RIMOC1: variants seen among roughly 807,000 people sequenced by gnomAD.
RIMOC1 encodes the protein RAB7A interacting MON1-CCZ1 complex subunit 1.
At chr5:41,907,628 C>G in the RIMOC1 span, 2 of 635,702 alleles carry the variant, frequency 3.1e-6, no homozygotes, top group Non-Finnish European at 5.3e-6. Context: ...CTCCATATGT[C>G]ATAATATTAT....
the RIMOC1 span, chr5:41,909,681 T>C: frequency 8.3e-7 from 1 of 1,211,544 alleles, no homozygotes; most frequent in South Asian, 1.6e-5. Context: ...AAGGTTAGAC[T>C]GTAAGAATTG....
the RIMOC1 span, among the ~76,000 whole-genome samples, chr5:41,912,805 A>C: frequency 6.6e-6 from 1 of 152,186 alleles, no homozygotes; most frequent in Admixed American, 6.5e-5. Flanking sequence ...ACAGAGCCAA[A>C]CATATCAAGC....
At chr5:41,904,570 TCCCAGGCCGCAGGTGGTTA>T in the RIMOC1 span, 1 of 1,116,544 alleles carries the variant, frequency 9.0e-7, no homozygotes, top group East Asian at 2.6e-5. Flanking sequence ...TTCCTTTGGG[TCCCAGGCCGCAGGTGGTTA>T]CCCGAGGTCT....
At chr5:41,909,808 CTCT>C in the RIMOC1 span, 6 of 1,590,382 alleles carry the variant, frequency 3.8e-6, no homozygotes, top group Admixed American at 1.8e-5. Context: ...TTCCTGAAGA[CTCT>C]TCTTCACAGA....
chr5:41,908,913 G>A, the RIMOC1 span, among the ~76,000 whole-genome samples: 1 of 152,062 alleles, frequency 6.6e-6, no homozygotes. Context: ...TAGGCCTTTC[G>A]CACGATAACA....
At chr5:41,913,709 T>G in the RIMOC1 span, among the ~76,000 whole-genome samples, 1 of 152,216 alleles carries the variant, frequency 6.6e-6, no homozygotes, top group South Asian at 2.1e-4. Flanking sequence ...TAGCCTCTCC[T>G]GGATTGTTCT....
At chr5:41,915,534 A>C in the RIMOC1 span, among the ~76,000 whole-genome samples, 23 of 152,196 alleles carry the variant, frequency 1.5e-4, 1 homozygote, top group African/African-American at 5.5e-4. Context: ...GGAAGAAAAA[A>C]TAGGTTTAAT....
the RIMOC1 span, among the ~76,000 whole-genome samples, chr5:41,904,897 C>A: frequency 6.6e-6 from 1 of 152,122 alleles, no homozygotes; most frequent in African/African-American, 2.4e-5. Context: ...TTGTAATTTG[C>A]GTTTTACGTT....
At chr5:41,915,560 C>T in the RIMOC1 span, among the ~76,000 whole-genome samples, 44 of 152,280 alleles carry the variant, frequency 2.9e-4, 1 homozygote, top group South Asian at 2.3e-3. Flanking sequence ...CACAGTTCCT[C>T]GTTGCTGGGA....
At chr5:41,917,167 G>A in the RIMOC1 span, 8 of 1,613,660 alleles carry the variant, frequency 5.0e-6, no homozygotes, top group Non-Finnish European at 6.8e-6. Context: ...AGGAACCCTT[G>A]GATTTCCGAG....
At chr5:41,918,006 A>G in the RIMOC1 span, 2 of 985,230 alleles carry the variant, frequency 2.0e-6, no homozygotes, top group African/African-American at 1.7e-5. Flanking sequence ...CCATTAGTTC[A>G]TATGTTTTTG....
At chr5:41,906,731 G>A in the RIMOC1 span, among the ~76,000 whole-genome samples, 2 of 152,198 alleles carry the variant, frequency 1.3e-5, no homozygotes. Flanking sequence ...GCAGTCACAT[G>A]ATTGCCAACA....
At chr5:41,920,332 T>C in the RIMOC1 span, 11 of 152,148 alleles carry the variant, frequency 7.2e-5, no homozygotes, top group Non-Finnish European at 1.3e-4. Context: ...TTTTTATATA[T>C]GTTAAAGCCT....
the RIMOC1 span, chr5:41,912,111 T>C: frequency 9.9e-6 from 16 of 1,612,064 alleles, no homozygotes; most frequent in South Asian, 1.1e-5. Context: ...GATGCTAAAT[T>C]ATCGATGTCC....
the RIMOC1 span, chr5:41,910,951 G>A: frequency 1.4e-6 from 2 of 1,393,800 alleles, no homozygotes; most frequent in Admixed American, 2.2e-5. Context: ...TTTGTGACTT[G>A]AGAATGTTTT....
the RIMOC1 span, among the ~76,000 whole-genome samples, chr5:41,912,342 T>C: frequency 1.3e-5 from 2 of 152,202 alleles, no homozygotes; most frequent in African/African-American, 2.4e-5. Context: ...AAAGATAAAA[T>C]CTTTTGATGT....
chr5:41,916,986 C>G, the RIMOC1 span: 3 of 1,533,526 alleles, frequency 2.0e-6, no homozygotes, highest in Non-Finnish European at 2.7e-6. Context: ...GCTTTTAATT[C>G]TAATCTGTCA....
At chr5:41,917,492 A>G in the RIMOC1 span, 4 of 1,263,926 alleles carry the variant, frequency 3.2e-6, no homozygotes, top group East Asian at 1.2e-4. Context: ...TGAAGGGATG[A>G]TTCTTTAATT....
the RIMOC1 span, among the ~76,000 whole-genome samples, chr5:41,905,616 A>G: frequency 6.6e-6 from 1 of 152,242 alleles, no homozygotes; most frequent in Non-Finnish European, 1.5e-5. Flanking sequence ...AAGCCGACTT[A>G]TATTTTGGTC....
Sources: gnomAD v4.1 joint callset for allele counts (sites outside exome capture counted in the v4.1 genomes callset) on GRCh38, gnomAD v4.1.1 for gene constraint, MANE v1.5 for transcripts, NCBI Gene and HGNC (gene_info 2026-07-23, HGNC 2026-07-21) for gene names.